MFAP3L: variants seen among roughly 807,000 people sequenced by gnomAD.
MFAP3L encodes microfibrillar-associated protein 3-like.
A neutral mutation model predicts 20.0 loss-of-function variants in MFAP3L; 5 were observed. That is an observed-to-expected ratio of 0.25 (90% CI 0.13 to 0.53). The LOEUF (loss-of-function observed/expected upper bound fraction) is 0.53, where lower values mean the gene tolerates loss of function less well. MFAP3L is among the 20% of genes least tolerant of loss of function. The pLI is 0.96. For missense variants in MFAP3L, 409 were observed against 527.5 expected (o/e 0.78, Z 2.20); for synonymous variants, 219 against 213.0 (o/e 1.03, Z -0.25).
intron 1 of MFAP3L, among the ~76,000 whole-genome samples, chr4:170,006,403 G>A (rs528976129): frequency 3.3e-5 from 5 of 152,128 alleles, no homozygotes; most frequent in Admixed American, 2.0e-4. Context: ...GTGAGCCACC[G>A]CACCCGGCCA....
chr4:169,992,330 G>T lies in MFAP3L; in HGVS notation c.299-21C>A, dbSNP rs1272611114. The T allele has an allele frequency of 5.1e-6, 8 of 1,580,946 alleles. No individual in the cohort carries two copies. The highest frequency in any genetic ancestry group is 2.3e-5 in the South Asian group (2 of 86,560). On this transcript the variant is annotated intron_variant, in intron 2 of 2. Coordinates refer to ENST00000361618, the MANE Select transcript of MFAP3L (RefSeq NM_021647.8). The surrounding 1 kb of genome is among the most constrained non-coding windows in gnomAD (Gnocchi z 4.3). ...TTTTCCTGTCGGAAGGGAGAGAAGA[G>T]AATTCAACCAAGGACACAGAGCTCC... is the stretch of plus-strand genomic sequence containing the variant.
rs1400532050 is a variant in MFAP3L, at chr4:169,992,806, T to C, written c.299-497A>G. ...AATATATGTTCACTGGGGAGGTTAA[T>C]GCAATTAAATTGTTTACCTGAGTTT... is the stretch of plus-strand genomic sequence containing the variant. On this transcript the variant is annotated intron_variant, in intron 2 of 2. Coordinates refer to ENST00000361618, the MANE Select transcript of MFAP3L (RefSeq NM_021647.8). The surrounding 1 kb of genome is among the most constrained non-coding windows in gnomAD (Gnocchi z 4.3). Among the ~76,000 whole-genome samples, 5 of 152,258 alleles carry C rather than the reference T, an allele frequency of 3.3e-5. No individual in the cohort carries two copies. The highest frequency in any genetic ancestry group is 3.3e-4 in the Admixed American group (5 of 15,290).
intron 2 of MFAP3L, chr4:169,994,358 C>T: frequency 7.1e-6 from 7 of 985,294 alleles, no homozygotes; most frequent in Non-Finnish European, 8.4e-6. Flanking sequence ...GTAGTCTGAA[C>T]CTGGGTACAG....
intron 2 of MFAP3L, among the ~76,000 whole-genome samples, chr4:169,997,264 T>C (rs1738246652): frequency 1.3e-5 from 2 of 152,146 alleles, no homozygotes; most frequent in Admixed American, 1.3e-4. Context: ...AACCTGGAAA[T>C]AGGAAGTCCT....
rs780916164 is a variant in MFAP3L, at chr4:169,992,223, T to C, written c.385A>G (p.Asn129Asp). 2 of 1,614,002 alleles carry C rather than the reference T, an allele frequency of 1.2e-6. No individual in the cohort carries two copies. The highest frequency in any genetic ancestry group is 1.3e-5 in the African/African-American group (1 of 74,918). ...GTGTTGTTCACGGTGCCGTAGATGT[T>C]AGAAGCCACACACGTGTATTTACCT... Reference protein sequence around the residue: ...DRGKYTCVASNIYGTVNNTVT... With the variant: ...DRGKYTCVASDIYGTVNNTVT... Residue 129 changes from asparagine (N) to aspartate (D), a missense_variant, in exon 3 of 3, where the codon AAC becomes GAC. Physicochemically the swap from Asn to Asp is conservative, Grantham distance 23 (BLOSUM62 1). Around this residue, in one of 3 missense-constraint regions of MFAP3L, gnomAD observed 127 missense variants for 218.1 expected, o/e 0.58. Transcript: ENST00000361618. The surrounding 1 kb of genome is among the most constrained non-coding windows in gnomAD (Gnocchi z 4.3).
intron 2 of MFAP3L, among the ~76,000 whole-genome samples, chr4:170,003,299 A>G (rs1175156819): frequency 6.6e-6 from 1 of 152,188 alleles, no homozygotes; most frequent in East Asian, 1.9e-4. Context: ...CTCTGTGGCA[A>G]AGGCTTTTGA....
intron 1 of MFAP3L, among the ~76,000 whole-genome samples, chr4:170,011,574 A>C (rs570595388): frequency 2.6e-5 from 4 of 152,368 alleles, no homozygotes; most frequent in African/African-American, 7.2e-5. Flanking sequence ...AAAGGGGATC[A>C]GTTCAATCCA....
chr4:169,996,159 G>A (rs1034719658), intron 2 of MFAP3L, among the ~76,000 whole-genome samples: 1 of 139,822 alleles, frequency 7.2e-6, no homozygotes, highest in African/African-American at 3.4e-5. Flanking sequence ...CTGGAGACCA[G>A]AAATTGCCAG....
intron 2 of MFAP3L, among the ~76,000 whole-genome samples, chr4:170,002,729 C>T (rs1738741395): frequency 6.6e-6 from 1 of 151,848 alleles, no homozygotes; most frequent in Non-Finnish European, 1.5e-5. Context: ...AGGATGGTCT[C>T]AATCTCCTGA....
chr4:170,016,627 C>T (rs565682279), intron 1 of MFAP3L, among the ~76,000 whole-genome samples: 1 of 152,346 alleles, frequency 6.6e-6, no homozygotes, highest in Admixed American at 6.5e-5. Context: ...CCGCTGTTTA[C>T]TGATGTATCC....
intron 1 of MFAP3L, among the ~76,000 whole-genome samples, chr4:170,011,211 C>G (rs1739362316): frequency 6.6e-6 from 1 of 152,170 alleles, no homozygotes; most frequent in South Asian, 2.1e-4. Context: ...ATTACCCAGT[C>G]TCAGGTATGT....
intron 1 of MFAP3L, among the ~76,000 whole-genome samples, chr4:170,015,020 G>T (rs1236123405): frequency 6.6e-6 from 1 of 152,178 alleles, no homozygotes; most frequent in African/African-American, 2.4e-5. Flanking sequence ...TTCACTGCAG[G>T]TCTCCTGCAG....
At position 170,006,006 on chromosome 4, in the gene MFAP3L, A is replaced by G. The variant is rs185169055; in HGVS notation, c.-129T>C. Reference sequence around the variant, plus strand: ...GGTCCATAGAGTTGGTACTTGAGCAAGAACCTGTTTTTAAGAAAACAAAAA... The same window carrying G: ...GGTCCATAGAGTTGGTACTTGAGCAGGAACCTGTTTTTAAGAAAACAAAAA... On this transcript the variant is annotated 5_prime_UTR_variant, in exon 2 of 3. Coordinates refer to ENST00000361618, the MANE Select transcript of MFAP3L (RefSeq NM_021647.8). 2.2e-4 allele frequency: 315 copies of G among 1,438,816 alleles called. No homozygotes were observed. The highest frequency in any genetic ancestry group is 1.6e-3 in the Admixed American group (58 of 35,400). The allele number at this position is 1,438,816 out of a possible 1,614,324, so 89.1% of individuals were successfully genotyped here.
chr4:170,024,456 C>G (rs1227190412), intron 1 of MFAP3L, among the ~76,000 whole-genome samples: 1 of 152,160 alleles, frequency 6.6e-6, no homozygotes, highest in Admixed American at 6.5e-5. Context: ...GGATATGAGA[C>G]CTGCTGTTCA....
intron 2 of MFAP3L, among the ~76,000 whole-genome samples, chr4:170,003,434 G>A (rs4368572): frequency 0.14 from 21,024 of 152,142 alleles, 3,745 homozygotes; most frequent in African/African-American, 0.4. Context: ...ATACACAGAT[G>A]AAGGAGGGAC....
At position 170,005,921 on chromosome 4, in the gene MFAP3L, A is replaced by G. The variant is rs772514846; in HGVS notation, c.-44T>C. The G allele has an allele frequency of 4.4e-6, 7 of 1,581,914 alleles. No individual in the cohort carries two copies. Among genetic ancestry groups the G allele is most frequent in the Non-Finnish European group, 6.0e-6 (7 of 1,161,696 alleles). On this transcript the variant is annotated 5_prime_UTR_variant, in exon 2 of 3. Transcript: ENST00000361618. ...AAGGCAATAGAGAGATGGTTTGCCA[A>G]CCGAATCTTCTATCAGACAACACAC...
intron 1 of MFAP3L, among the ~76,000 whole-genome samples, chr4:170,023,168 C>A (rs546220340): frequency 3.3e-4 from 50 of 152,300 alleles, no homozygotes; most frequent in Admixed American, 9.8e-4. Context: ...CTCCTCCAAT[C>A]TACGGGGTTC....
rs1052525298 is a variant in MFAP3L, at chr4:169,991,608, C to T, written c.1000G>A (p.Glu334Lys). 1 of 1,614,054 alleles carries T rather than the reference C, an allele frequency of 6.2e-7. No homozygotes were observed. Among genetic ancestry groups the T allele is most frequent in the Non-Finnish European group, 8.5e-7 (1 of 1,180,044 alleles). ...QSKKEHADDQ[E>K]GGQFEVKDVE... ...TCTTTGACTTCAAACTGTCCACCCTCTTGGTCATCTGCATGCTCTTTTTTG... is the reference window on the plus strand; with the variant it reads ...TCTTTGACTTCAAACTGTCCACCCTTTTGGTCATCTGCATGCTCTTTTTTG... The change falls in exon 3 of 3, where the codon GAG becomes AAG. Residue 334 changes from glutamate to lysine, a missense_variant. By Grantham distance (56) the Glu-to-Lys change is moderately conservative. Transcript: ENST00000361618. The surrounding 1 kb of genome is among the most constrained non-coding windows in gnomAD (Gnocchi z 4.9).
chr4:170,005,517 G>A, intron 2 of MFAP3L, 63 bp downstream of exon 2: 1 of 1,520,894 alleles, frequency 6.6e-7, no homozygotes, highest in South Asian at 1.2e-5. Context: ...AACATCACGG[G>A]TGCTGGCTCC....
Sources: allele counts gnomAD v4.1 joint callset (sites outside exome capture counted in the v4.1 genomes callset), GRCh38; gene constraint gnomAD v4.1.1; regional missense constraint gnomAD v4.1.1; non-coding constraint Gnocchi (gnomAD v3.1); transcripts MANE v1.5; gene names NCBI Gene and HGNC (gene_info 2026-07-23, HGNC 2026-07-21).